The following POFUT3 variants were observed in gnomAD, a reference collection of about 807,000 sequenced individuals.
The protein encoded by POFUT3 is GDP-fucose protein O-fucosyltransferase 3.
the POFUT3 span, among the ~76,000 whole-genome samples, chr8:33,380,805 C>T: frequency 6.6e-6 from 1 of 150,390 alleles, no homozygotes; most frequent in Non-Finnish European, 1.5e-5. Flanking sequence ...CCACTGCACT[C>T]CAGCCTGGGT....
At chr8:33,334,486 G>T in the POFUT3 span, among the ~76,000 whole-genome samples, 1 of 152,164 alleles carries the variant, frequency 6.6e-6, no homozygotes, top group Non-Finnish European at 1.5e-5. Flanking sequence ...CTAAAGTGCT[G>T]GGATTAGAGG....
the POFUT3 span, among the ~76,000 whole-genome samples, chr8:33,376,640 C>T: frequency 6.6e-6 from 1 of 152,142 alleles, no homozygotes; most frequent in Non-Finnish European, 1.5e-5. Flanking sequence ...AATTCTTTAC[C>T]AAGCACAGAG....
the POFUT3 span, among the ~76,000 whole-genome samples, chr8:33,310,834 G>A: frequency 5.5e-4 from 84 of 152,088 alleles, no homozygotes; most frequent in South Asian, 1.2e-3. Flanking sequence ...TCAGCTAGGC[G>A]CTTTAGCAGG....
At chr8:33,467,519 G>A in the POFUT3 span, among the ~76,000 whole-genome samples, 3 of 151,924 alleles carry the variant, frequency 2.0e-5, no homozygotes, top group South Asian at 2.1e-4. Context: ...AGACATCCAC[G>A]GCAGGTACCA....
chr8:33,472,943 C>G, the POFUT3 span: 1 of 152,472 alleles, frequency 6.6e-6, no homozygotes. Flanking sequence ...GGCTGTGACT[C>G]CCGGAGGTAG....
chr8:33,320,088 A>G, the POFUT3 span, among the ~76,000 whole-genome samples: 1 of 151,882 alleles, frequency 6.6e-6, no homozygotes, highest in African/African-American at 2.4e-5. Context: ...GTATCTAAGA[A>G]CAGAGACTAT....
At chr8:33,344,021 G>C in the POFUT3 span, among the ~76,000 whole-genome samples, 1 of 152,110 alleles carries the variant, frequency 6.6e-6, no homozygotes, top group African/African-American at 2.4e-5. Flanking sequence ...GGAATTCCCA[G>C]AGTCTTTTCA....
chr8:33,436,766 AC>A, the POFUT3 span: 1 of 550,646 alleles, frequency 1.8e-6, no homozygotes, highest in Non-Finnish European at 3.3e-6. Flanking sequence ...TTCTGACAAA[AC>A]GCTAAAATAG....
the POFUT3 span, among the ~76,000 whole-genome samples, chr8:33,368,154 T>C: frequency 5.3e-5 from 8 of 152,146 alleles, no homozygotes; most frequent in East Asian, 1.5e-3. Context: ...GGGGCAAGGG[T>C]ATATAGCAGA....
chr8:33,315,392 T>A, the POFUT3 span, among the ~76,000 whole-genome samples: 2 of 152,120 alleles, frequency 1.3e-5, no homozygotes, highest in African/African-American at 4.8e-5. Flanking sequence ...GACAAATGAT[T>A]TCTATGGGTG....
the POFUT3 span, among the ~76,000 whole-genome samples, chr8:33,316,566 CA>C: frequency 0.12 from 13,283 of 107,922 alleles, 1,115 homozygotes; most frequent in East Asian, 0.31. Flanking sequence ...ACTAAAACTA[CA>C]AAAAAAAAGA....
At chr8:33,414,787 C>T in the POFUT3 span, among the ~76,000 whole-genome samples, 3 of 151,954 alleles carry the variant, frequency 2.0e-5, no homozygotes, top group African/African-American at 7.2e-5. Flanking sequence ...GCCTTATTTC[C>T]TTCTCTGTTT....
At chr8:33,414,965 A>G in the POFUT3 span, among the ~76,000 whole-genome samples, 2 of 134,884 alleles carry the variant, frequency 1.5e-5, no homozygotes, top group Admixed American at 1.5e-4. Context: ...AACCATAAAG[A>G]AAAAAAAAAA....
chr8:33,356,523 T>A, the POFUT3 span, among the ~76,000 whole-genome samples: 2 of 152,204 alleles, frequency 1.3e-5, no homozygotes, highest in South Asian at 2.1e-4. Context: ...GGGGTTGTTT[T>A]TTTTTTCTTG....
At chr8:33,336,141 C>T in the POFUT3 span, among the ~76,000 whole-genome samples, 17 of 152,334 alleles carry the variant, frequency 1.1e-4, no homozygotes, top group Middle Eastern at 6.8e-3. Context: ...ACATTATTAA[C>T]GTTTCTCTAT....
chr8:33,380,191 A>ATATATATATAC, the POFUT3 span, among the ~76,000 whole-genome samples: 6 of 57,038 alleles, frequency 1.1e-4, 1 homozygote, highest in East Asian at 8.6e-4. Flanking sequence ...TATATATACT[A>ATATATATATAC]TATATATATA....
chr8:33,436,606 C>T, the POFUT3 span: 1 of 899,416 alleles, frequency 1.1e-6, no homozygotes, highest in East Asian at 2.5e-5. Flanking sequence ...CTTAATGATG[C>T]CACATTCCAG....
chr8:33,380,836 C>CAAA, the POFUT3 span, among the ~76,000 whole-genome samples: 5 of 124,764 alleles, frequency 4.0e-5, no homozygotes, highest in African/African-American at 1.5e-4. Context: ...GACCCTGTCT[C>CAAA]AAAAAAAAAA....
the POFUT3 span, among the ~76,000 whole-genome samples, chr8:33,456,344 T>A: frequency 2.6e-5 from 4 of 152,038 alleles, no homozygotes; most frequent in Admixed American, 2.6e-4. Context: ...TACAACTTAT[T>A]TTTTTATTTA....
Sources: gnomAD v4.1 joint callset for allele counts (sites outside exome capture counted in the v4.1 genomes callset) on GRCh38, gnomAD v4.1.1 for gene constraint, MANE v1.5 for transcripts, NCBI Gene and HGNC (gene_info 2026-07-23, HGNC 2026-07-21) for gene names.